Variants in UNC5D observed in about 807,000 individuals in gnomAD.
The protein encoded by UNC5D is unc-5 netrin receptor D.
A neutral mutation model predicts 105.4 loss-of-function variants in UNC5D; 39 were observed. The observed-to-expected ratio is 0.37, with a 90% CI of 0.29 to 0.48. The LOEUF is 0.48. Among genes scored for constraint, UNC5D ranks in the 20% least tolerant of loss-of-function variants. UNC5D has a pLI of 0.98. For missense variants in UNC5D, 991 were observed against 1,202.4 expected (o/e 0.82, Z 2.60); for synonymous variants, 452 against 450.4 (o/e 1.00, Z -0.04).
chr8:35,612,241 G>C (rs575175312), intron 4 of UNC5D, among the ~76,000 whole-genome samples: 7 of 152,272 alleles, frequency 4.6e-5, no homozygotes, highest in South Asian at 4.2e-4. Flanking sequence ...GAAGGTCAAG[G>C]GTTTTTGTCA....
At chr8:35,422,167 G>C (rs28735693) in intron 1 of UNC5D, among the ~76,000 whole-genome samples, 7,514 of 152,240 alleles carry the variant, frequency 0.049, 209 homozygotes, top group African/African-American at 0.073. Context: ...GTTGTCACCG[G>C]TTGCAATATG....
At chr8:35,638,002 C>T (rs973001217) in intron 4 of UNC5D, among the ~76,000 whole-genome samples, 22 of 152,084 alleles carry the variant, frequency 1.4e-4, no homozygotes, top group African/African-American at 4.8e-4. Flanking sequence ...AGAAGGATGG[C>T]AAGGGAAAAC....
chr8:35,482,827 A>T (rs1422254231), intron 1 of UNC5D, among the ~76,000 whole-genome samples: 1 of 113,562 alleles, frequency 8.8e-6, no homozygotes, highest in Non-Finnish European at 1.7e-5. Context: ...TTTGAGATGA[A>T]GTCTTGCTCT....
rs907561799 is a variant in UNC5D at position 35,271,938 on chromosome 8, G to A, written c.103+36051G>A. ...TCTTTTGAGAAGCCTTCATGTCACC[G>A]CTGTAGATAAGAATATCATGGCAAA... is the stretch of plus-strand genomic sequence containing the variant. On this transcript the variant is annotated intron_variant, in intron 1 of 16. Transcript: ENST00000404895. Among the ~76,000 whole-genome samples, 14 of 151,738 alleles carry A rather than the reference G, an allele frequency of 9.2e-5. 1 individual carries two copies. Among genetic ancestry groups the A allele is most frequent in the South Asian group, 4.1e-4 (2 of 4,830 alleles).
intron 4 of UNC5D, among the ~76,000 whole-genome samples, chr8:35,651,190 A>G (rs1468978105): frequency 6.6e-6 from 1 of 152,202 alleles, no homozygotes; most frequent in Non-Finnish European, 1.5e-5. Flanking sequence ...TGGGTGGGAC[A>G]TGTTCCTTGA....
At chr8:35,569,776 A>T (rs1402278829) in intron 3 of UNC5D, among the ~76,000 whole-genome samples, 1 of 152,224 alleles carries the variant, frequency 6.6e-6, no homozygotes, top group African/African-American at 2.4e-5. Context: ...CAGGCCAGCC[A>T]GGGCATCTGA....
intron 1 of UNC5D, among the ~76,000 whole-genome samples, chr8:35,284,353 G>A (rs992475933): frequency 6.6e-6 from 1 of 152,126 alleles, no homozygotes; most frequent in Non-Finnish European, 1.5e-5. Context: ...ATTTGCACAA[G>A]AATGACAAAA....
At chr8:35,665,287 T>C (rs1824354412) in intron 4 of UNC5D, among the ~76,000 whole-genome samples, 1 of 152,186 alleles carries the variant, frequency 6.6e-6, no homozygotes, top group African/African-American at 2.4e-5. Flanking sequence ...CCCCCAGTGT[T>C]ACCTGTCACT....
intron 4 of UNC5D, among the ~76,000 whole-genome samples, chr8:35,680,972 G>A (rs1315864197): frequency 6.6e-6 from 1 of 152,214 alleles, no homozygotes; most frequent in African/African-American, 2.4e-5. Context: ...GACCTAGGAG[G>A]AGAGTGGAGG....
At chr8:35,667,617 TAAG>T (rs1416073128) in intron 4 of UNC5D, among the ~76,000 whole-genome samples, 3 of 152,212 alleles carry the variant, frequency 2.0e-5, no homozygotes, top group Non-Finnish European at 2.9e-5. Flanking sequence ...TAGGAATCTA[TAAG>T]AAGAACATAC....
chr8:35,239,267 C>CT (rs1419571922), intron 1 of UNC5D, among the ~76,000 whole-genome samples: 1 of 152,120 alleles, frequency 6.6e-6, no homozygotes, highest in Non-Finnish European at 1.5e-5. Context: ...GCTGTGGATC[C>CT]TTTCTGAGCT....
At position 35,731,136 on chromosome 8, in the gene UNC5D, C is replaced by T. The variant is rs188104904; in HGVS notation, c.1766+40C>T. The T allele has an allele frequency of 6.5e-3, 10,253 of 1,588,812 alleles. 61 individuals carry two copies. The highest frequency in any genetic ancestry group is 6.9e-3 in the Non-Finnish European group (8,002 of 1,158,120). On this transcript the variant is annotated intron_variant, in intron 11 of 16. Coordinates refer to ENST00000404895, the MANE Select transcript of UNC5D (RefSeq NM_080872.4). ...ATAGCATATTAAAGAAAGTGGCTCA[C>T]GCCTGTAATCCCAGTACTTTGGGAG... is the stretch of plus-strand genomic sequence containing the variant.
At chr8:35,702,191 G>C (rs1827250176) in intron 7 of UNC5D, among the ~76,000 whole-genome samples, 2 of 151,890 alleles carry the variant, frequency 1.3e-5, no homozygotes, top group East Asian at 3.9e-4. Flanking sequence ...CTTCCACTGG[G>C]TCAAAATTGC....
chr8:35,318,902 A>T (rs1187181740), intron 1 of UNC5D, among the ~76,000 whole-genome samples: 1 of 152,100 alleles, frequency 6.6e-6, no homozygotes, highest in African/African-American at 2.4e-5. Flanking sequence ...TGTATATCCT[A>T]AAAATACAAA....
chr8:35,734,836 G>A lies in UNC5D; in HGVS notation c.1766+3740G>A, dbSNP rs150745817. Reference sequence around the variant, plus strand: ...CTCGCTCTGTTGCTCAGGTTGGAGTGCAATGGCGCCATCTTGGCTCACTGC... The same window carrying A: ...CTCGCTCTGTTGCTCAGGTTGGAGTACAATGGCGCCATCTTGGCTCACTGC... On this transcript the variant is annotated intron_variant, in intron 11 of 16. Coordinates refer to ENST00000404895, the MANE Select transcript of UNC5D (RefSeq NM_080872.4). 0.011 allele frequency among the ~76,000 whole-genome samples: 1,575 copies of A among 144,296 alleles called. 94 individuals carry two copies. In the East Asian group the frequency reaches 0.15, roughly 14 times the overall value. The allele number at this position is 144,296 out of a possible 152,430, so 94.7% of individuals were successfully genotyped here.
chr8:35,446,207 AT>A (rs1165151277), intron 1 of UNC5D, among the ~76,000 whole-genome samples: 1 of 151,910 alleles, frequency 6.6e-6, no homozygotes, highest in Non-Finnish European at 1.5e-5. Flanking sequence ...ATTTAAAAAT[AT>A]TATTGTAAAT....
At chr8:35,628,781 G>T (rs1288493885) in intron 4 of UNC5D, among the ~76,000 whole-genome samples, 1 of 152,144 alleles carries the variant, frequency 6.6e-6, no homozygotes, top group Non-Finnish European at 1.5e-5. Context: ...GCTTATCATG[G>T]TATGAGACTT....
At chr8:35,249,560 AATAAT>A (rs1803544356) in intron 1 of UNC5D, among the ~76,000 whole-genome samples, 2 of 150 alleles carry the variant, frequency 0.013, no homozygotes, top group African/African-American at 0.019. Flanking sequence ...TCTGTCTCAA[AATAAT>A]AATAATAATA....
At chr8:35,285,326 A>T (rs764778974) in intron 1 of UNC5D, among the ~76,000 whole-genome samples, 1 of 152,186 alleles carries the variant, frequency 6.6e-6, no homozygotes, top group Non-Finnish European at 1.5e-5. Context: ...CCCTAGGAGA[A>T]TTATGCCATT....
Sources: gnomAD v4.1 joint callset for allele counts (sites outside exome capture counted in the v4.1 genomes callset) on GRCh38, gnomAD v4.1.1 for gene constraint, MANE v1.5 for transcripts, NCBI Gene and HGNC (gene_info 2026-07-23, HGNC 2026-07-21) for gene names.